Variants in ASTN2 observed in about 807,000 individuals in gnomAD.
ASTN2 encodes astrotactin 2.
Under a neutral mutation model 139.8 loss-of-function variants are expected in ASTN2, and 54 were observed. That is an observed-to-expected ratio of 0.39 (90% CI 0.31 to 0.48). The LOEUF is 0.48. Ranked by LOEUF, ASTN2 falls within the 20% of genes least tolerant of loss-of-function variation. ASTN2 has a pLI of 0.95. For missense variants in ASTN2, 1,565 were observed against 1,725.1 expected, an observed-to-expected ratio of 0.91 and a Z score of 1.64; for synonymous variants, 756 against 719.5, an observed-to-expected ratio of 1.05 and a Z score of -0.81.
At chr9:117,040,619 C>A (rs1205131041) in intron 5 of ASTN2, among the ~76,000 whole-genome samples, 1 of 152,056 alleles carries the variant, frequency 6.6e-6, no homozygotes, top group African/African-American at 2.4e-5. Context: ...CCACCAAGCC[C>A]AGCTAATTTT....
chr9:116,615,035 TCAAA>T (rs942524791), intron 19 of ASTN2, among the ~76,000 whole-genome samples: 1 of 151,712 alleles, frequency 6.6e-6, no homozygotes, highest in African/African-American at 2.4e-5. Flanking sequence ...AAGAAAAAAA[TCAAA>T]CAAACACATC....
chr9:117,071,831 C>A (rs577053109), intron 5 of ASTN2, among the ~76,000 whole-genome samples: 4 of 151,608 alleles, frequency 2.6e-5, no homozygotes, highest in Non-Finnish European at 5.9e-5. Context: ...TGACCCCTTG[C>A]GCTTCCCAGG....
chr9:116,665,941 A>C (rs777004104), intron 16 of ASTN2, among the ~76,000 whole-genome samples: 1 of 152,212 alleles, frequency 6.6e-6, no homozygotes, highest in Non-Finnish European at 1.5e-5. Flanking sequence ...TTATTCTAAA[A>C]ATTGATAAAA....
chr9:117,341,705 A>C (rs756979685), intron 1 of ASTN2, among the ~76,000 whole-genome samples: 1 of 152,144 alleles, frequency 6.6e-6, no homozygotes, highest in Non-Finnish European at 1.5e-5. Flanking sequence ...AGGAAACAAA[A>C]ATGCATTTTT....
intron 4 of ASTN2, among the ~76,000 whole-genome samples, chr9:117,116,146 T>C (rs1304926054): frequency 6.6e-6 from 1 of 151,988 alleles, no homozygotes; most frequent in Non-Finnish European, 1.5e-5. Flanking sequence ...CATAGGCTAA[T>C]GCAAGAGCTG....
At chr9:116,838,329 C>T (rs967453683) in intron 11 of ASTN2, among the ~76,000 whole-genome samples, 2 of 151,660 alleles carry the variant, frequency 1.3e-5, no homozygotes, top group African/African-American at 2.4e-5. Context: ...AGGCTGGTCT[C>T]GAATTCCTGA....
chr9:116,922,572 G>A (rs144264888), intron 10 of ASTN2, among the ~76,000 whole-genome samples: 2,175 of 152,228 alleles, frequency 0.014, 80 homozygotes, highest in Admixed American at 0.081. Context: ...GTAAAAACAT[G>A]TGATAATGTA....
intron 10 of ASTN2, among the ~76,000 whole-genome samples, chr9:116,938,218 A>C (rs1449940788): frequency 6.7e-6 from 1 of 150,340 alleles, no homozygotes; most frequent in Non-Finnish European, 1.5e-5. Context: ...ATTTTTATGC[A>C]TGCCGCCTCA....
At chr9:116,788,574 C>T (rs1830442281) in intron 13 of ASTN2, among the ~76,000 whole-genome samples, 2 of 152,098 alleles carry the variant, frequency 1.3e-5, no homozygotes, top group South Asian at 4.1e-4. Context: ...ACAGTCAAGT[C>T]ATCAGATCTC....
rs960874944 is a variant in ASTN2 at position 117,391,591 on chromosome 9, A to G, written c.442+22906T>C. Reference sequence around the variant, plus strand: ...ACACGTGGGAATTATGGGAGCTACAAGATGAGATTTGGGTGGGGACACAGA... The same window carrying G: ...ACACGTGGGAATTATGGGAGCTACAGGATGAGATTTGGGTGGGGACACAGA... On this transcript the variant is annotated intron_variant, in intron 1 of 22. Coordinates refer to ENST00000313400, the MANE Select transcript of ASTN2 (RefSeq NM_001365068.1). Among the ~76,000 whole-genome samples the G allele has an allele frequency of 4.6e-5, 7 of 152,260 alleles. No individual in the cohort carries two copies. In the East Asian group the frequency reaches 1.4e-3, roughly 30 times the overall value.
chr9:117,285,349 G>T (rs1834422941), intron 2 of ASTN2, among the ~76,000 whole-genome samples: 1 of 149,778 alleles, frequency 6.7e-6, no homozygotes, highest in Admixed American at 6.7e-5. Flanking sequence ...GATTTAATAG[G>T]CAGGTAAACC....
intron 11 of ASTN2, among the ~76,000 whole-genome samples, chr9:116,854,398 C>A (rs1832685288): frequency 6.6e-6 from 1 of 152,144 alleles, no homozygotes; most frequent in Non-Finnish European, 1.5e-5. Context: ...TCAACAGGAA[C>A]CCAAGGCTAA....
intron 13 of ASTN2, among the ~76,000 whole-genome samples, chr9:116,792,387 G>C (rs1448419005): frequency 6.6e-6 from 1 of 152,154 alleles, no homozygotes; most frequent in African/African-American, 2.4e-5. Flanking sequence ...GCAGAATGCA[G>C]CCCAGCACTC....
intron 6 of ASTN2, among the ~76,000 whole-genome samples, chr9:117,022,951 A>G (rs1413462341): frequency 1.3e-5 from 2 of 152,078 alleles, no homozygotes; most frequent in African/African-American, 2.4e-5. Flanking sequence ...AAAAACTATG[A>G]CAGTAAACAG....
intron 3 of ASTN2, among the ~76,000 whole-genome samples, chr9:117,165,188 G>T (rs760178428): frequency 2.7e-4 from 38 of 139,766 alleles, no homozygotes; most frequent in African/African-American, 9.4e-4. Flanking sequence ...TCCCTCTCCC[G>T]CCATTTGCAT....
intron 5 of ASTN2, among the ~76,000 whole-genome samples, chr9:117,060,442 G>GAAAGAA (rs1554774102): frequency 3.7e-5 from 2 of 54,016 alleles, no homozygotes; most frequent in East Asian, 6.2e-4. Flanking sequence ...AAGAGAGAGA[G>GAAAGAA]AGAAAGAAAG....
At chr9:116,886,584 C>G (rs2132380344) in intron 10 of ASTN2, among the ~76,000 whole-genome samples, 1 of 152,192 alleles carries the variant, frequency 6.6e-6, no homozygotes, top group East Asian at 1.9e-4. Context: ...CCAGGCTGGT[C>G]TTGAAGTCCT....
chr9:116,904,162 T>G (rs545965142), intron 10 of ASTN2, among the ~76,000 whole-genome samples: 12 of 152,262 alleles, frequency 7.9e-5, no homozygotes, highest in Admixed American at 3.3e-4. Context: ...GAGACTCCCT[T>G]GCTTCTGGTA....
intron 2 of ASTN2, among the ~76,000 whole-genome samples, chr9:117,259,463 A>C (rs1588141531): frequency 6.6e-6 from 1 of 152,202 alleles, no homozygotes; most frequent in East Asian, 1.9e-4. Flanking sequence ...TTTGGGAAAA[A>C]CCAACCAGCA....
Sources: allele counts gnomAD v4.1 joint callset (sites outside exome capture counted in the v4.1 genomes callset), GRCh38; gene constraint gnomAD v4.1.1; transcripts MANE v1.5; gene names NCBI Gene and HGNC (gene_info 2026-07-23, HGNC 2026-07-21).